ITGA2: variants seen among roughly 807,000 people sequenced by gnomAD.
ITGA2 encodes integrin subunit alpha 2.
ITGA2 carries 101 observed loss-of-function variants against 146.3 expected under a neutral mutation model. That is an observed-to-expected ratio of 0.69 (90% confidence interval 0.59 to 0.81). The LOEUF is 0.81. ITGA2 is among the 40% of genes least tolerant of loss of function. ITGA2 has a pLI of 0.00. For synonymous variants in ITGA2, 477 were observed against 487.1 expected, an observed-to-expected ratio of 0.98 and a Z score of 0.27; for missense variants, 1,281 against 1,402.7, an observed-to-expected ratio of 0.91 and a Z score of 1.39.
intron 2 of ITGA2, among the ~76,000 whole-genome samples, chr5:53,037,136 G>T (rs115811337): frequency 6.6e-6 from 1 of 152,132 alleles, no homozygotes; most frequent in African/African-American, 2.4e-5. Flanking sequence ...CATAAATACT[G>T]CTTGCTAACT....
chr5:52,995,054 C>T (rs1419839116), intron 1 of ITGA2, among the ~76,000 whole-genome samples: 1 of 152,158 alleles, frequency 6.6e-6, no homozygotes, highest in Non-Finnish European at 1.5e-5. Flanking sequence ...GGACTCGTCT[C>T]CTAGTTCCTG....
intron 14 of ITGA2, among the ~76,000 whole-genome samples, chr5:53,065,502 T>C (rs1745104357): frequency 6.6e-6 from 1 of 151,898 alleles, no homozygotes; most frequent in South Asian, 2.1e-4. Context: ...GAGGCCTCAC[T>C]GAGCAGCCAA....
At chr5:53,079,146 A>G (rs1745796628) in intron 24 of ITGA2, among the ~76,000 whole-genome samples, 1 of 152,128 alleles carries the variant, frequency 6.6e-6, no homozygotes, top group Admixed American at 6.6e-5. Flanking sequence ...TCCAGGTGCC[A>G]TACTTTGATA....
At chr5:53,022,182 A>G (rs1462634747) in intron 1 of ITGA2, among the ~76,000 whole-genome samples, 1 of 149,466 alleles carries the variant, frequency 6.7e-6, no homozygotes, top group Non-Finnish European at 1.5e-5. Flanking sequence ...TTGTTAAAAG[A>G]CTTTTTCCTT....
Position 53,080,161 on chromosome 5 carries a change from ATTAC to A in ITGA2, c.2929-345_2929-342del, listed in dbSNP as rs555061118. Among the ~76,000 whole-genome samples, 232 of 152,240 alleles carry A rather than the reference ATTAC, an allele frequency of 1.5e-3. 4 individuals carry two copies. Among genetic ancestry groups the A allele is most frequent in the Admixed American group, 0.015 (230 of 15,278 alleles). ...TACCACATGTCTCACAAAGTCACAA[ATTAC>A]TTACCCATTAACATTGTAGATGTTG... On this transcript the variant is annotated intron_variant, in intron 24 of 29. Transcript: ENST00000296585.
intron 1 of ITGA2, among the ~76,000 whole-genome samples, chr5:52,997,398 G>A (rs1741320324): frequency 1.3e-5 from 2 of 152,064 alleles, no homozygotes; most frequent in African/African-American, 4.8e-5. Context: ...AAGGCTTTCT[G>A]TATAAAAATG....
chr5:53,044,760 A>G (rs1252629942), intron 3 of ITGA2, among the ~76,000 whole-genome samples: 2 of 152,188 alleles, frequency 1.3e-5, no homozygotes, highest in African/African-American at 2.4e-5. Flanking sequence ...TCTATAAGTC[A>G]TACCCTCTCC....
At chr5:52,994,179 C>T (rs1741108584) in intron 1 of ITGA2, among the ~76,000 whole-genome samples, 1 of 152,112 alleles carries the variant, frequency 6.6e-6, no homozygotes, top group Non-Finnish European at 1.5e-5. Context: ...TTATGTAAGG[C>T]TGTGTGTTAG....
chr5:53,014,980 CCTCT>C (rs373319728), intron 1 of ITGA2, among the ~76,000 whole-genome samples: 2 of 151,650 alleles, frequency 1.3e-5, no homozygotes, highest in African/African-American at 4.8e-5. Context: ...ATTTTAATTG[CCTCT>C]CTTTTTCTTT....
At chr5:53,088,780 T>A (rs560258455) in intron 28 of ITGA2, among the ~76,000 whole-genome samples, 1 of 152,276 alleles carries the variant, frequency 6.6e-6, no homozygotes, top group African/African-American at 2.4e-5. Context: ...GTTGTGTCTA[T>A]GAAAAATTTT....
chr5:53,055,551 TCAG>T lies in ITGA2; in HGVS notation c.798_800del (p.Ala267del), dbSNP rs757063573. The T allele has an allele frequency of 8.7e-6, 14 of 1,612,888 alleles. No homozygotes were observed. The highest frequency in any genetic ancestry group is 5.0e-5 in the Admixed American group (3 of 59,906). On this transcript the variant is annotated inframe_deletion, in exon 8 of 30. Coordinates refer to ENST00000296585, the MANE Select transcript of ITGA2 (RefSeq NM_002203.4). Reference sequence around the variant, plus strand: ...TATCTGCCACAGAAAATATGCTTATTCAGCAGCTTCTGGTGGGCGACGAAGTGC... The same window carrying T: ...TATCTGCCACAGAAAATATGCTTATTCAGCTTCTGGTGGGCGACGAAGTGC...
intron 15 of ITGA2, among the ~76,000 whole-genome samples, 177 bp from the exon 16 acceptor site, chr5:53,066,941 A>C (rs898205104): frequency 5.3e-5 from 8 of 151,930 alleles, no homozygotes. Flanking sequence ...AATTAAAAAA[A>C]AAATTATCTC....
At chr5:53,084,075 A>G (rs947414384) in intron 27 of ITGA2, among the ~76,000 whole-genome samples, 4 of 152,138 alleles carry the variant, frequency 2.6e-5, no homozygotes, top group African/African-American at 7.2e-5. Context: ...TTTTTTCCAT[A>G]TGGCAACTGT....
chr5:53,079,508 C>A (rs1244892970), intron 24 of ITGA2, among the ~76,000 whole-genome samples: 1 of 152,020 alleles, frequency 6.6e-6, no homozygotes, highest in Non-Finnish European at 1.5e-5. Flanking sequence ...GAAAGAATAA[C>A]TATTTTATAT....
chr5:53,041,069 G>A (rs1743772760), intron 2 of ITGA2, among the ~76,000 whole-genome samples: 1 of 151,870 alleles, frequency 6.6e-6, no homozygotes, highest in African/African-American at 2.4e-5. Context: ...TATACAGAAG[G>A]CTCATGAAAT....
chr5:53,026,866 C>T lies in ITGA2; in HGVS notation c.183C>T (p.Asn61=), dbSNP rs1352106448. The change falls in exon 2 of 30, where the codon AAC becomes AAT. Residue 61 remains asparagine, a splice_region_variant and synonymous_variant. Transcript: ENST00000296585. The part of the protein sequence containing the change: ...AVQQFINPKG[N]WLLVGSPWSG... ...AGCAGTTTATAAATCCAAAAGGCAA[C>T]TGGTAAGAATATTCTCTTCTTTATG... is the stretch of plus-strand genomic sequence containing the variant. 6.2e-7 allele frequency: 1 copy of T among 1,611,246 alleles called. No homozygotes were observed.
chr5:53,034,441 T>G (rs1280936582), intron 2 of ITGA2, among the ~76,000 whole-genome samples: 1 of 152,068 alleles, frequency 6.6e-6, no homozygotes, highest in Non-Finnish European at 1.5e-5. Flanking sequence ...GGAAGGACAC[T>G]TTAAATATCT....
At chr5:53,069,041 A>G (rs1011609331) in intron 16 of ITGA2, among the ~76,000 whole-genome samples, 18 of 151,858 alleles carry the variant, frequency 1.2e-4, no homozygotes, top group African/African-American at 3.9e-4. Context: ...AGCAAGAAAA[A>G]TTGTACAACA....
chr5:53,092,223 C>G lies in ITGA2; in HGVS notation c.*1624C>G, dbSNP rs3212654. The G allele has an allele frequency of 2.4e-3, 370 of 152,278 alleles. 3 individuals are homozygous for G. Among genetic ancestry groups the G allele is most frequent in the African/African-American group, 8.7e-3 (363 of 41,546 alleles). The allele number at this position is 152,278 out of a possible 1,614,324, so 9.4% of individuals were successfully genotyped here. A position where few individuals can be genotyped will look rare whatever the true frequency, so the allele number is the denominator to read the frequency against. On this transcript the variant is annotated 3_prime_UTR_variant, in exon 30 of 30. Transcript: ENST00000296585. ...AAAGCTTTGGACAAGTCCTTGACCT[C>G]TATAAACTTCAGAGTCCTCATTATA...
Sources: gnomAD v4.1 joint callset for allele counts (sites outside exome capture counted in the v4.1 genomes callset) on GRCh38, gnomAD v4.1.1 for gene constraint, MANE v1.5 for transcripts, NCBI Gene and HGNC (gene_info 2026-07-23, HGNC 2026-07-21) for gene names.